ZNF583: variants seen among roughly 807,000 people sequenced by gnomAD.
The protein encoded by ZNF583 is zinc finger protein 583.
A neutral mutation model predicts 55.3 loss-of-function variants in ZNF583; 30 were observed. The observed-to-expected ratio is 0.54, with a 90% confidence interval of 0.41 to 0.74. The LOEUF (loss-of-function observed/expected upper bound fraction) is 0.74. Ranked by LOEUF, ZNF583 falls within the 30% of genes least tolerant of loss-of-function variation. The pLI is 0.00. For missense variants in ZNF583, 504 were observed against 664.7 expected (o/e 0.76, Z 2.66); for synonymous variants, 208 against 220.0 (o/e 0.95, Z 0.48).
chr19:56,414,593 C>T (rs892254005), intron 4 of ZNF583, 153 bp downstream of exon 4: 14 of 628,106 alleles, frequency 2.2e-5, no homozygotes, highest in Non-Finnish European at 8.3e-6. Flanking sequence ...AGTATGAGCT[C>T]CTCAATTTGT....
At chr19:56,420,875 A>C (rs996284511) in intron 4 of ZNF583, among the ~76,000 whole-genome samples, 1 of 152,146 alleles carries the variant, frequency 6.6e-6, no homozygotes, top group Non-Finnish European at 1.5e-5. Flanking sequence ...GGAGTTCATT[A>C]ATATTTAATT....
chr19:56,407,713 T>C (rs762786466), intron 2 of ZNF583, among the ~76,000 whole-genome samples: 4 of 152,196 alleles, frequency 2.6e-5, no homozygotes, highest in African/African-American at 4.8e-5. Flanking sequence ...ATTCTGAGTG[T>C]CCACAGCTAT....
At position 56,407,064 on chromosome 19, in the gene ZNF583, A is replaced by T. The variant is rs1395898872; in HGVS notation, c.-51A>T. On this transcript the variant is annotated 5_prime_UTR_variant, in exon 2 of 5. Coordinates refer to ENST00000333201, the MANE Select transcript of ZNF583 (RefSeq NM_152478.3). ...GGATACTGTCCCTCTCCCACAGAGGAGCTGAAGGAGTAGGACAGAAGAACT... is the reference window on the plus strand; with the variant it reads ...GGATACTGTCCCTCTCCCACAGAGGTGCTGAAGGAGTAGGACAGAAGAACT... 6.2e-7 allele frequency: 1 copy of T among 1,609,068 alleles called. No homozygotes were observed. Among genetic ancestry groups the T allele is most frequent in the Non-Finnish European group, 8.5e-7 (1 of 1,176,044 alleles).
Position 56,407,037 on chromosome 19 carries a change from C to T in ZNF583, c.-78C>T. 1 of 1,557,060 alleles carries T rather than the reference C, an allele frequency of 6.4e-7. No homozygotes were observed. The highest frequency in any genetic ancestry group is 2.2e-5 in the East Asian group (1 of 44,448). ...TTTTCCTTCTCCAGCTCGACTTTCT[C>T]AGGATACTGTCCCTCTCCCACAGAG... is the stretch of plus-strand genomic sequence containing the variant. On this transcript the variant is annotated 5_prime_UTR_variant, in exon 2 of 5. Transcript: ENST00000333201.
chr19:56,418,070 A>G (rs978002807), intron 4 of ZNF583, among the ~76,000 whole-genome samples: 6 of 152,200 alleles, frequency 3.9e-5, no homozygotes, highest in African/African-American at 1.4e-4. Flanking sequence ...AAGTTTTGAT[A>G]CCAGATAGAG....
intron 4 of ZNF583, among the ~76,000 whole-genome samples, chr19:56,415,498 C>T (rs2042306713): frequency 6.6e-6 from 1 of 152,118 alleles, no homozygotes; most frequent in East Asian, 1.9e-4. Flanking sequence ...ATGCTGAGGC[C>T]TTTGTGGGGA....
intron 4 of ZNF583, 38 bp from the exon 5 acceptor site, chr19:56,422,853 T>C (rs1334506167): frequency 2.7e-6 from 4 of 1,487,928 alleles, no homozygotes; most frequent in African/African-American, 2.8e-5. Context: ...TTCTAGTGAA[T>C]TAAATACAAA....
chr19:56,407,929 T>C (rs1600351467), intron 2 of ZNF583, among the ~76,000 whole-genome samples: 1 of 152,258 alleles, frequency 6.6e-6, no homozygotes, highest in East Asian at 1.9e-4. Flanking sequence ...GTATAAGAAT[T>C]CCATAAGAAT....
At chr19:56,404,110 G>A (rs570703868), upstream of ZNF583, 12 of 152,594 alleles carry the variant, frequency 7.9e-5, no homozygotes, top group East Asian at 1.9e-4. The surrounding 1 kb of genome is among the most constrained non-coding windows in gnomAD (Gnocchi z 5.2). Context: ...TGGAACGGGT[G>A]GGGGAGCGGA....
intron 2 of ZNF583, among the ~76,000 whole-genome samples, chr19:56,412,675 G>A (rs1432080984): frequency 3.3e-5 from 5 of 152,080 alleles, no homozygotes; most frequent in Admixed American, 6.5e-5. Flanking sequence ...ATCATTTGTC[G>A]CCTCTTACAC....
rs1403268151 is a variant in ZNF583 at position 56,404,380 on chromosome 19, T to G, written c.-162T>G. On this transcript the variant is annotated 5_prime_UTR_variant, in exon 1 of 5. Coordinates refer to ENST00000333201, the MANE Select transcript of ZNF583 (RefSeq NM_152478.3). The surrounding 1 kb of genome is among the most constrained non-coding windows in gnomAD (Gnocchi z 5.2). ...GCGGCCGCCGGCCAGGATCGAGCCC[T>G]GGCCCGGGCCCTGGCCCAGCCCCGG... The G allele has an allele frequency of 6.6e-6, 1 of 151,094 alleles. No homozygotes were observed. The highest frequency in any genetic ancestry group is 6.6e-5 in the Admixed American group (1 of 15,236). The allele number at this position is 151,094 out of a possible 1,614,324, so 9.4% of individuals were successfully genotyped here.
At chr19:56,410,293 T>A (rs2042217717) in intron 2 of ZNF583, among the ~76,000 whole-genome samples, 1 of 152,136 alleles carries the variant, frequency 6.6e-6, no homozygotes, top group South Asian at 2.1e-4. Flanking sequence ...TAATTAAAAA[T>A]TTTTTTGAGG....
intron 4 of ZNF583, among the ~76,000 whole-genome samples, chr19:56,420,215 G>C (rs2042392250): frequency 6.6e-6 from 1 of 152,132 alleles, no homozygotes; most frequent in African/African-American, 2.4e-5. Context: ...TTAGTTCTCA[G>C]ATGTTTGGAG....
At chr19:56,405,667 A>G (rs990014916) in intron 1 of ZNF583, among the ~76,000 whole-genome samples, 7 of 152,166 alleles carry the variant, frequency 4.6e-5, no homozygotes, top group African/African-American at 1.7e-4. Context: ...CATCCCTCTC[A>G]GTCTCTGGGG....
At position 56,424,516 on chromosome 19, in the gene ZNF583, A is replaced by G; in HGVS notation, c.*148A>G. On this transcript the variant is annotated 3_prime_UTR_variant, in exon 5 of 5. Transcript: ENST00000333201. Reference sequence around the variant, plus strand: ...GTCTCTGTCAGATGTCCACATTGCAACCAAATTTGTATTTTTAAAAATATG... The same window carrying G: ...GTCTCTGTCAGATGTCCACATTGCAGCCAAATTTGTATTTTTAAAAATATG... 1.9e-6 allele frequency: 1 copy of G among 530,804 alleles called. No homozygotes were observed. The highest frequency in any genetic ancestry group is 3.0e-5 in the South Asian group (1 of 33,098). 32.9% of individuals were successfully genotyped at this position (530,804 alleles called of 1,614,324 possible).
intron 2 of ZNF583, among the ~76,000 whole-genome samples, chr19:56,408,670 G>A (rs997115958): frequency 6.6e-6 from 1 of 152,152 alleles, no homozygotes; most frequent in Non-Finnish European, 1.5e-5. Context: ...TTGAGGGTCA[G>A]TAATGTCGAT....
At chr19:56,415,939 T>C (rs1333902307) in intron 4 of ZNF583, among the ~76,000 whole-genome samples, 2 of 152,234 alleles carry the variant, frequency 1.3e-5, no homozygotes, top group East Asian at 1.9e-4. Context: ...TCAGATTTCA[T>C]GAATTTGAGC....
Position 56,424,013 on chromosome 19 carries a change from CACA to C in ZNF583, c.1359_1361del (p.Gln453del). The C allele has an allele frequency of 6.2e-7, 1 of 1,613,986 alleles. No homozygotes were observed. The highest frequency in any genetic ancestry group is 8.5e-7 in the Non-Finnish European group (1 of 1,179,984). Reference sequence around the variant, plus strand: ...GCCTTTAGCAATAGTTCATCACTTGCACAACATCAGAGAAGTCATACTGGAGAA... The same window carrying C: ...GCCTTTAGCAATAGTTCATCACTTGCACATCAGAGAAGTCATACTGGAGAA... On this transcript the variant is annotated inframe_deletion, in exon 5 of 5. Coordinates refer to ENST00000333201, the MANE Select transcript of ZNF583 (RefSeq NM_152478.3).
At position 56,424,068 on chromosome 19, in the gene ZNF583, G is replaced by A; in HGVS notation, c.1410G>A (p.Arg470=). The A allele has an allele frequency of 6.2e-7, 1 of 1,613,928 alleles. No homozygotes were observed. The highest frequency in any genetic ancestry group is 8.5e-7 in the Non-Finnish European group (1 of 1,179,976). The change falls in exon 5 of 5, where the codon AGG becomes AGA. Residue 470 remains arginine, a synonymous_variant. Transcript: ENST00000333201. ...GEKPYMCKEC[R]KTFSQNAGLA... The stretch of plus-strand genomic sequence containing the variant: ...AACCCTATATGTGTAAGGAATGTAG[G>A]AAAACATTTAGCCAGAATGCAGGCC...
Sources: gnomAD v4.1 joint callset for allele counts (sites outside exome capture counted in the v4.1 genomes callset) on GRCh38, gnomAD v4.1.1 for gene constraint, Gnocchi (gnomAD v3.1) non-coding constraint, MANE v1.5 for transcripts, NCBI Gene and HGNC (gene_info 2026-07-23, HGNC 2026-07-21) for gene names.